FMN2: variants seen among roughly 807,000 people sequenced by gnomAD.
The protein encoded by FMN2 is formin 2, also known as formin-2.
A neutral mutation model predicts 142.3 loss-of-function variants in FMN2; 51 were observed. That is an observed-to-expected ratio of 0.36 (90% CI 0.29 to 0.45). The LOEUF (loss-of-function observed/expected upper bound fraction) is 0.45, where lower values mean the gene tolerates loss of function less well. Among genes scored for constraint, FMN2 ranks in the 20% least tolerant of loss-of-function variants. The probability of loss-of-function intolerance (pLI) is 1.00; values close to 1 mark genes in which losing one functional copy is unlikely to be tolerated. For missense variants in FMN2, 1,936 were observed against 2,122.8 expected (o/e 0.91, Z 1.73); for synonymous variants, 882 against 869.8 (o/e 1.01, Z -0.25).
At chr1:240,364,698 G>T (rs773228118) in intron 14 of FMN2, among the ~76,000 whole-genome samples, 1 of 152,080 alleles carries the variant, frequency 6.6e-6, no homozygotes, top group African/African-American at 2.4e-5. Flanking sequence ...CCTAACCACC[G>T]CCTCCTGCAT....
chr1:240,162,897 C>A (rs1171741997), intron 2 of FMN2, among the ~76,000 whole-genome samples: 1 of 152,068 alleles, frequency 6.6e-6, no homozygotes, highest in African/African-American at 2.4e-5. Context: ...CTACAGATTT[C>A]TCTCTAAACA....
intron 13 of FMN2, among the ~76,000 whole-genome samples, chr1:240,348,362 C>T (rs991406565): frequency 6.6e-6 from 1 of 151,820 alleles, no homozygotes; most frequent in African/African-American, 2.4e-5. Context: ...GCTGGGATTA[C>T]AGGCACCCGC....
intron 15 of FMN2, among the ~76,000 whole-genome samples, chr1:240,430,647 A>AT (rs372331350): frequency 0.036 from 4,934 of 136,398 alleles, 248 homozygotes; most frequent in African/African-American, 0.12. Flanking sequence ...CTAAATACTT[A>AT]TTTTTTTTTA....
At chr1:240,430,138 G>A (rs1003631449) in intron 15 of FMN2, among the ~76,000 whole-genome samples, 2 of 151,918 alleles carry the variant, frequency 1.3e-5, no homozygotes, top group African/African-American at 2.4e-5. Context: ...CGCCCGCCTC[G>A]GCCTCCCAAA....
chr1:240,359,438 A>G (rs1367624871), intron 14 of FMN2, among the ~76,000 whole-genome samples: 2 of 152,204 alleles, frequency 1.3e-5, no homozygotes, highest in African/African-American at 4.8e-5. Context: ...GCTATGCCCA[A>G]CACTGCCCAA....
At chr1:240,362,921 A>G (rs1443777141) in intron 14 of FMN2, among the ~76,000 whole-genome samples, 4 of 152,286 alleles carry the variant, frequency 2.6e-5, no homozygotes, top group East Asian at 1.9e-4. Context: ...TTTCCCAAAC[A>G]TTTCTTCTTT....
At chr1:240,376,804 T>C (rs1673061247) in intron 14 of FMN2, among the ~76,000 whole-genome samples, 1 of 152,184 alleles carries the variant, frequency 6.6e-6, no homozygotes, top group Non-Finnish European at 1.5e-5. Flanking sequence ...TTTCATCTTA[T>C]TTCCACCATT....
chr1:240,256,681 G>A (rs938107742), intron 6 of FMN2, among the ~76,000 whole-genome samples: 1 of 152,112 alleles, frequency 6.6e-6, no homozygotes, highest in African/African-American at 2.4e-5. Flanking sequence ...AACTCAGGAG[G>A]CGGAGGCTGC....
At chr1:240,277,078 G>A (rs1447687054) in intron 7 of FMN2, among the ~76,000 whole-genome samples, 5 of 152,168 alleles carry the variant, frequency 3.3e-5, no homozygotes, top group East Asian at 3.9e-4. Context: ...AAACAATAGC[G>A]GCTTTCTTGA....
chr1:240,197,018 T>G (rs1665936884), intron 4 of FMN2, among the ~76,000 whole-genome samples: 2 of 152,186 alleles, frequency 1.3e-5, no homozygotes, highest in African/African-American at 4.8e-5. Flanking sequence ...AGTGTCTTTT[T>G]ATATGCTACT....
rs1225235620 is a variant in FMN2, at chr1:240,361,149, A to G, written c.4858+5241A>G. Among the ~76,000 whole-genome samples, 20 of 21,344 alleles carry G rather than the reference A, an allele frequency of 9.4e-4. 1 individual carries two copies. The Middle Eastern group carries it at 0.035, about 37-fold the overall frequency. The allele number at this position is 21,344 out of a possible 152,430, so 14.0% of individuals were successfully genotyped here. Reference sequence around the variant, plus strand: ...AATAAATAAATATATGTGTATATATATATATATATATATATATATATATAT... The same window carrying G: ...AATAAATAAATATATGTGTATATATGTATATATATATATATATATATATAT... On this transcript the variant is annotated intron_variant, in intron 14 of 17. Coordinates refer to ENST00000319653, the MANE Select transcript of FMN2 (RefSeq NM_020066.5).
intron 2 of FMN2, among the ~76,000 whole-genome samples, chr1:240,127,994 CA>C (rs902511088): frequency 2.0e-5 from 3 of 152,072 alleles, no homozygotes; most frequent in African/African-American, 7.2e-5. Flanking sequence ...CAAGAGAACA[CA>C]AGGAAATCAA....
At chr1:240,097,630 C>T (rs1308036008) in intron 1 of FMN2, among the ~76,000 whole-genome samples, 3 of 152,174 alleles carry the variant, frequency 2.0e-5, no homozygotes, top group Admixed American at 2.0e-4. Flanking sequence ...GCTGGGATTA[C>T]AGGCGTGAGC....
At chr1:240,231,172 A>C (rs1306931405) in intron 6 of FMN2, among the ~76,000 whole-genome samples, 9 of 132,516 alleles carry the variant, frequency 6.8e-5, no homozygotes, top group Admixed American at 5.8e-4. Context: ...TATTCCAAAA[A>C]CAAGAAAACA....
intron 3 of FMN2, among the ~76,000 whole-genome samples, chr1:240,187,642 G>A (rs1665536940): frequency 6.6e-6 from 1 of 152,170 alleles, no homozygotes; most frequent in Admixed American, 6.5e-5. Context: ...ACTTGGTTAT[G>A]CCTTAGGTCT....
intron 6 of FMN2, among the ~76,000 whole-genome samples, chr1:240,234,094 G>A (rs752106396): frequency 3.3e-5 from 5 of 152,088 alleles, no homozygotes; most frequent in Admixed American, 1.3e-4. Context: ...ATAGACAGCC[G>A]TGAGTTTAAA....
intron 16 of FMN2, among the ~76,000 whole-genome samples, chr1:240,445,938 T>A (rs1675794282): frequency 6.6e-6 from 1 of 152,116 alleles, no homozygotes; most frequent in African/African-American, 2.4e-5. Context: ...CTACATAGAT[T>A]TGCTGTTCAC....
chr1:240,129,219 A>G (rs571160079), intron 2 of FMN2, among the ~76,000 whole-genome samples: 154 of 152,196 alleles, frequency 1.0e-3, no homozygotes, highest in Non-Finnish European at 1.6e-3. Flanking sequence ...TTTTAATGCT[A>G]TTTAGTCAAG....
chr1:240,202,461 T>C (rs1666161039), intron 4 of FMN2, among the ~76,000 whole-genome samples: 1 of 152,148 alleles, frequency 6.6e-6, no homozygotes, highest in South Asian at 2.1e-4. Context: ...GTTACTATGC[T>C]AGGCCATTAT....
Sources: gnomAD v4.1 joint callset for allele counts (sites outside exome capture counted in the v4.1 genomes callset) on GRCh38, gnomAD v4.1.1 for gene constraint, MANE v1.5 for transcripts, NCBI Gene and HGNC (gene_info 2026-07-23, HGNC 2026-07-21) for gene names.